Variants in CDH18 observed in about 807,000 individuals in gnomAD.
CDH18 encodes cadherin 18.
Under a neutral mutation model 67.9 loss-of-function variants are expected in CDH18, and 31 were observed. The observed-to-expected ratio is 0.46, with a 90% CI of 0.34 to 0.62. CDH18 has a LOEUF of 0.62. Ranked by LOEUF, CDH18 falls within the 20% of genes least tolerant of loss-of-function variation. The pLI, the probability that CDH18 is intolerant of heterozygous loss-of-function variation, is 0.01. For synonymous variants in CDH18, 362 were observed against 347.2 expected (o/e 1.04, Z -0.48); for missense variants, 890 against 975.5 (o/e 0.91, Z 1.17).
intron 1 of CDH18, among the ~76,000 whole-genome samples, chr5:20,366,349 T>C (rs1284883439): frequency 6.6e-6 from 1 of 152,238 alleles, no homozygotes; most frequent in Non-Finnish European, 1.5e-5. Flanking sequence ...CTTTTGAGTC[T>C]GTTCATTTTT....
intron 1 of CDH18, among the ~76,000 whole-genome samples, chr5:20,392,342 GA>G (rs932668179): frequency 1.3e-4 from 19 of 151,622 alleles, no homozygotes; most frequent in African/African-American, 3.1e-4. Context: ...AGAAATTATA[GA>G]AAAAAACTAT....
chr5:20,154,386 AC>A (rs1433064609), intron 2 of CDH18, among the ~76,000 whole-genome samples: 2 of 152,126 alleles, frequency 1.3e-5, no homozygotes, highest in Admixed American at 6.6e-5. Context: ...TTTATTAGTC[AC>A]CTGTGGGATG....
At chr5:20,367,436 G>T (rs959108124) in intron 1 of CDH18, among the ~76,000 whole-genome samples, 2 of 152,192 alleles carry the variant, frequency 1.3e-5, no homozygotes, top group African/African-American at 2.4e-5. Context: ...TTGGTTCCCA[G>T]TGTCTTATGC....
chr5:20,559,526 A>G (rs912606677), intron 1 of CDH18, among the ~76,000 whole-genome samples: 3 of 152,144 alleles, frequency 2.0e-5, no homozygotes, highest in Admixed American at 1.3e-4. Flanking sequence ...ATTTTCAGCA[A>G]TTAAATACAT....
At chr5:19,651,886 C>T (rs1755629281) in intron 5 of CDH18, among the ~76,000 whole-genome samples, 1 of 151,974 alleles carries the variant, frequency 6.6e-6, no homozygotes, top group South Asian at 2.1e-4. Flanking sequence ...ATTTACTTAA[C>T]CTCTCAGAAT....
chr5:19,780,591 T>C lies in CDH18; in HGVS notation c.229-33355A>G, dbSNP rs142023615. 2.1e-3 allele frequency among the ~76,000 whole-genome samples: 327 copies of C among 152,270 alleles called. 2 individuals carry two copies. Among genetic ancestry groups the C allele is most frequent in the African/African-American group, 7.6e-3 (317 of 41,576 alleles). ...GACACTTTTGTTTCCCCCTTGGTTA[T>C]CTAATCTCCCAGACAGCAGAACATC... On this transcript the variant is annotated intron_variant, in intron 3 of 12. Transcript: ENST00000382275.
chr5:20,570,166 T>C (rs1038506851), intron 1 of CDH18, among the ~76,000 whole-genome samples: 1 of 152,202 alleles, frequency 6.6e-6, no homozygotes, highest in African/African-American at 2.4e-5. Context: ...AACTCTAATA[T>C]AAACTATGAA....
intron 9 of CDH18, among the ~76,000 whole-genome samples, chr5:19,531,105 A>G (rs952117098): frequency 6.6e-6 from 1 of 152,164 alleles, no homozygotes; most frequent in Non-Finnish European, 1.5e-5. Flanking sequence ...CTCCACCTCC[A>G]ATAAATTGTA....
intron 3 of CDH18, among the ~76,000 whole-genome samples, chr5:19,809,921 T>G (rs1778461874): frequency 6.6e-6 from 1 of 151,848 alleles, no homozygotes; most frequent in Non-Finnish European, 1.5e-5. Flanking sequence ...CTTCCAATAG[T>G]GAATAGACAA....
At position 20,453,563 on chromosome 5, in the gene CDH18, GTA is replaced by G. The variant is rs1192843375; in HGVS notation, c.-580+121897_-580+121898del. Among the ~76,000 whole-genome samples, 7 of 94,650 alleles carry G rather than the reference GTA, an allele frequency of 7.4e-5. No individual in the cohort carries two copies. The East Asian group carries it at 1.2e-3, about 16-fold the overall frequency. The allele number at this position is 94,650 out of a possible 152,430, so 62.1% of individuals were successfully genotyped here. A position where few individuals can be genotyped will look rare whatever the true frequency, so the allele number is the denominator to read the frequency against. ...TATGTGTGTATATGTATGTGTGTGT[GTA>G]TATATATATGTGTGTGTGTGTGTGT... On this transcript the variant is annotated intron_variant, in intron 1 of 14. Transcript: ENST00000507958.
At chr5:20,095,444 A>AAAGAAAGAAAGAAAGAAAGG (rs1351361955) in intron 2 of CDH18, among the ~76,000 whole-genome samples, 9 of 81,834 alleles carry the variant, frequency 1.1e-4, no homozygotes, top group African/African-American at 3.7e-4. Context: ...AGAAAGAAAG[A>AAAGAAAGAAAGAAAGAAAGG]AAAGAAAGAA....
In CDH18 at chr5:20,169,899, A is replaced by G. The variant is rs182593053; in HGVS notation, c.-518+85545T>C. Among the ~76,000 whole-genome samples, 773 of 152,280 alleles carry G rather than the reference A, an allele frequency of 5.1e-3. 6 individuals carry two copies. Among genetic ancestry groups the G allele is most frequent in the Non-Finnish European group, 7.0e-3 (473 of 68,024 alleles). ...TTATAATTTGAGCTTTATAAGACTC[A>G]ATTTATAAGCAACAAAGATAGACAT... On this transcript the variant is annotated intron_variant, in intron 2 of 14. Transcript: ENST00000507958.
chr5:20,013,937 C>A (rs1580034115), intron 2 of CDH18, among the ~76,000 whole-genome samples: 1 of 152,016 alleles, frequency 6.6e-6, no homozygotes, highest in South Asian at 2.1e-4. Flanking sequence ...ATAGTGATAT[C>A]CAAAATATTT....
chr5:20,425,053 CTT>C (rs1748184832), intron 1 of CDH18, among the ~76,000 whole-genome samples: 1 of 150,686 alleles, frequency 6.6e-6, no homozygotes, highest in Non-Finnish European at 1.5e-5. Context: ...ATATGAAAGA[CTT>C]AGTCTTAGAG....
intron 7 of CDH18, among the ~76,000 whole-genome samples, chr5:19,576,391 C>CA (rs148894296): frequency 0.029 from 4,335 of 147,878 alleles, 125 homozygotes; most frequent in African/African-American, 0.077. Flanking sequence ...TCAAACTACT[C>CA]AAAAAAAAAA....
At chr5:20,313,692 A>T (rs1040541462) in intron 1 of CDH18, among the ~76,000 whole-genome samples, 14 of 152,000 alleles carry the variant, frequency 9.2e-5, no homozygotes, top group Non-Finnish European at 1.6e-4. Flanking sequence ...AGATGAAATG[A>T]GGGATAGTGC....
At chr5:19,786,910 T>A (rs912031576) in intron 3 of CDH18, among the ~76,000 whole-genome samples, 8 of 152,152 alleles carry the variant, frequency 5.3e-5, no homozygotes, top group African/African-American at 1.9e-4. Flanking sequence ...TGCCTCCACG[T>A]TGGCAGTATT....
At chr5:19,689,603 T>C (rs2166593) in intron 5 of CDH18, among the ~76,000 whole-genome samples, 5,312 of 151,878 alleles carry the variant, frequency 0.035, 295 homozygotes, top group African/African-American at 0.12. Context: ...AACTCACTGA[T>C]AGAGTTTTAA....
At chr5:20,477,603 G>A (rs1752527403) in intron 1 of CDH18, among the ~76,000 whole-genome samples, 1 of 152,168 alleles carries the variant, frequency 6.6e-6, no homozygotes, top group Non-Finnish European at 1.5e-5. Flanking sequence ...CTAGACAGAG[G>A]GGACTCTCCC....
Sources: gnomAD v4.1 joint callset for allele counts (sites outside exome capture counted in the v4.1 genomes callset) on GRCh38, gnomAD v4.1.1 for gene constraint, MANE v1.5 for transcripts, NCBI Gene and HGNC (gene_info 2026-07-23, HGNC 2026-07-21) for gene names.